C2CD3: variants seen among roughly 807,000 people sequenced by gnomAD.
C2CD3 encodes the protein C2 domain-containing protein 3.
A neutral mutation model predicts 234.0 loss-of-function variants in C2CD3; 148 were observed. That is an observed-to-expected ratio of 0.63 (90% CI 0.55 to 0.72). C2CD3 has a LOEUF of 0.72. C2CD3 is among the 30% of genes least tolerant of loss of function. The pLI, the probability that C2CD3 is intolerant of heterozygous loss-of-function variation, is 0.00. For missense variants in C2CD3, 2,577 were observed against 2,811.5 expected (o/e 0.92, Z 1.89); for synonymous variants, 1,000 against 1,035.4 (o/e 0.97, Z 0.66).
chr11:74,170,690 C>T (rs1857129912), intron 1 of C2CD3, 48 bp downstream of exon 1: 1 of 1,611,192 alleles, frequency 6.2e-7, no homozygotes. Context: ...ATTCCTTACA[C>T]CCTGCTCTCC....
chr11:74,053,739 G>T (rs1343769022), intron 26 of C2CD3, among the ~76,000 whole-genome samples: 1 of 152,234 alleles, frequency 6.6e-6, no homozygotes. Context: ...ATGGTTGACA[G>T]ATACAACAGG....
chr11:74,063,990 G>A (rs935607918), intron 24 of C2CD3, among the ~76,000 whole-genome samples: 2 of 151,994 alleles, frequency 1.3e-5, no homozygotes, highest in Non-Finnish European at 2.9e-5. Context: ...ATTTTGGTGT[G>A]CTGCACCCAT....
intron 2 of C2CD3, chr11:74,164,298 T>C (rs959726782): frequency 2.3e-4 from 215 of 928,344 alleles, no homozygotes; most frequent in Middle Eastern, 5.5e-4. Context: ...TTTCTCAGTT[T>C]CTACTCTAGT....
rs773172980 is a variant in C2CD3 at position 74,042,175 on chromosome 11, C to T, written c.5539G>A (p.Val1847Met). The T allele has an allele frequency of 2.5e-6, 4 of 1,607,944 alleles. No homozygotes were observed. In the African/African-American group the frequency reaches 5.5e-5, roughly 22 times the overall value. ...TCATGAAACCGGCGAATGTTCTGCA[C>T]ATGCTCTTCATGGCGTGATGCTTGG... ...RSQASRHEEH[V>M]QNIRRFHESL... Residue 1847 changes from valine (V) to methionine (M), a missense_variant, in exon 29 of 33, where the codon GTG (valine) becomes ATG (methionine). Physicochemically the swap from Val to Met is conservative, Grantham distance 21 (BLOSUM62 1). Transcript: ENST00000334126.
chr11:74,045,391 C>A (rs930689098), intron 28 of C2CD3, among the ~76,000 whole-genome samples: 4 of 152,124 alleles, frequency 2.6e-5, no homozygotes, highest in African/African-American at 9.7e-5. Flanking sequence ...CCTTGAATTT[C>A]CATACTAATT....
At chr11:74,028,223 G>T in intron 32 of C2CD3, 64 bp downstream of exon 32, 1 of 1,204,580 alleles carries the variant, frequency 8.3e-7, no homozygotes, top group Admixed American at 2.1e-5. Context: ...TCTGCATTCT[G>T]TGCACACTTC....
At chr11:74,051,620 T>C (rs1486126800) in intron 26 of C2CD3, among the ~76,000 whole-genome samples, 1 of 152,196 alleles carries the variant, frequency 6.6e-6, no homozygotes, top group Non-Finnish European at 1.5e-5. Context: ...TGAAACTTTG[T>C]ATTTGTTTTC....
rs982665532 is a variant in C2CD3, at chr11:74,138,868, A to G, written c.807T>C (p.Ser269=). 1.2e-6 allele frequency: 2 copies of G among 1,613,210 alleles called. No individual in the cohort carries two copies. The highest frequency in any genetic ancestry group is 2.7e-5 in the African/African-American group (2 of 74,910). The change falls in exon 5 of 33, where the codon TCT becomes TCC. Residue 269 remains serine, a synonymous_variant. Transcript: ENST00000334126. The stretch of plus-strand genomic sequence containing the variant: ...GTGGAGCTCTGCCTTTCAGAGTTAC[A>G]GACTCTAAACTCTGTCCTGAATTAA... The part of the protein sequence containing the change: ...HSLNSGQSLE[S]VTLKGRAPRK...
chr11:74,080,859 T>C (rs1032284690), intron 22 of C2CD3, among the ~76,000 whole-genome samples: 4 of 152,188 alleles, frequency 2.6e-5, no homozygotes, highest in Non-Finnish European at 5.9e-5. Context: ...TAGATCTTAC[T>C]ATTTCCATTA....
chr11:74,109,107 C>T lies in C2CD3; in HGVS notation c.1889G>A (p.Gly630Asp). Residue 630 changes from glycine to aspartate, a missense_variant, in exon 12 of 33, where the codon GGC becomes GAC. Gly to Asp is a moderately conservative substitution (Grantham distance 94). Coordinates refer to ENST00000334126, the MANE Select transcript of C2CD3 (RefSeq NM_001286577.2). ...ATTCCACCAGTGCTCTATCATTGGGCCACCAAACTGTACTGGAAACACAAA... is the reference window on the plus strand; with the variant it reads ...ATTCCACCAGTGCTCTATCATTGGGTCACCAAACTGTACTGGAAACACAAA... ...QRFVFPVQFG[G>D]PMIEHWWNSN... 6.2e-7 allele frequency: 1 copy of T among 1,600,724 alleles called. No homozygotes were observed. Among genetic ancestry groups the T allele is most frequent in the Non-Finnish European group, 8.5e-7 (1 of 1,174,886 alleles).
intron 21 of C2CD3, 110 bp from the exon 22 acceptor site, chr11:74,085,080 G>T: frequency 6.8e-6 from 4 of 585,180 alleles, no homozygotes; most frequent in South Asian, 2.1e-5. Flanking sequence ...TCTTAGTTTT[G>T]TAAAATGCAT....
intron 3 of C2CD3, among the ~76,000 whole-genome samples, chr11:74,148,648 T>C (rs911139832): frequency 5.9e-5 from 9 of 152,136 alleles, no homozygotes; most frequent in African/African-American, 2.2e-4. Flanking sequence ...GCTTCCTCTC[T>C]CAATCAGCTT....
intron 3 of C2CD3, among the ~76,000 whole-genome samples, chr11:74,152,847 A>C (rs1467134848): frequency 6.6e-6 from 1 of 152,234 alleles, no homozygotes. Flanking sequence ...AATCTCTCAG[A>C]AAATTTGGGA....
rs1223458360 is a variant in C2CD3 at position 74,033,618 on chromosome 11, G to A, written c.6542C>T (p.Ser2181Leu). 6.5e-7 allele frequency: 1 copy of A among 1,536,048 alleles called. No homozygotes were observed. Among genetic ancestry groups the A allele is most frequent in the Non-Finnish European group, 8.7e-7 (1 of 1,146,922 alleles). ...NPQPIPCPTLSGAQQSSTFVG... is the reference protein window; with the variant it reads ...NPQPIPCPTLLGAQQSSTFVG... ...AAACGTGCTGCTCTGTTGAGCTCCT[G>A]AGAGTGTTGGGCATGGGATGGGCTG... The change falls in exon 31 of 33, where the codon TCA becomes TTA. Residue 2181 changes from serine to leucine, a missense_variant. Coordinates refer to ENST00000334126, the MANE Select transcript of C2CD3 (RefSeq NM_001286577.2).
intron 22 of C2CD3, among the ~76,000 whole-genome samples, chr11:74,083,186 T>C (rs1304840028): frequency 7.9e-5 from 12 of 152,078 alleles, no homozygotes; most frequent in Non-Finnish European, 1.2e-4. Flanking sequence ...AAACAAGAAA[T>C]GGGGAAAGGA....
chr11:74,139,846 T>C lies in C2CD3; in HGVS notation c.484-18A>G, dbSNP rs749016018. ...AGTGAGACCTAAGAGAGACAGGTAGTATATGAGAAATTTTCTTTAGCATTG... is the reference window on the plus strand; with the variant it reads ...AGTGAGACCTAAGAGAGACAGGTAGCATATGAGAAATTTTCTTTAGCATTG... On this transcript the variant is annotated intron_variant, in intron 3 of 32. Coordinates refer to ENST00000334126, the MANE Select transcript of C2CD3 (RefSeq NM_001286577.2). 6.7e-7 allele frequency: 1 copy of C among 1,491,192 alleles called. No individual in the cohort carries two copies. Among genetic ancestry groups the C allele is most frequent in the Non-Finnish European group, 9.4e-7 (1 of 1,068,660 alleles). 92.4% of individuals were successfully genotyped at this position (1,491,192 alleles called of 1,614,324 possible). A position where few individuals can be genotyped will look rare whatever the true frequency, so the allele number is the denominator to read the frequency against.
chr11:74,068,088 T>C (rs886882079), intron 24 of C2CD3, among the ~76,000 whole-genome samples: 2 of 152,168 alleles, frequency 1.3e-5, no homozygotes, highest in South Asian at 2.1e-4. Context: ...GATTTAGTGG[T>C]TCCCTCCTAG....
In C2CD3 at chr11:74,139,842, G is replaced by A. The variant is rs1211038634; in HGVS notation, c.484-14C>T. 6.6e-7 allele frequency: 1 copy of A among 1,522,274 alleles called. No homozygotes were observed. Among genetic ancestry groups the A allele is most frequent in the Non-Finnish European group, 9.1e-7 (1 of 1,096,768 alleles). 94.3% of individuals were successfully genotyped at this position (1,522,274 alleles called of 1,614,324 possible). A position where few individuals can be genotyped will look rare whatever the true frequency, so the allele number is the denominator to read the frequency against. ...GGCAAGTGAGACCTAAGAGAGACAG[G>A]TAGTATATGAGAAATTTTCTTTAGC... On this transcript the variant is annotated splice_polypyrimidine_tract_variant and intron_variant, in intron 3 of 32. Transcript: ENST00000334126.
intron 28 of C2CD3, among the ~76,000 whole-genome samples, chr11:74,047,834 G>A (rs1438785575): frequency 6.6e-6 from 1 of 152,208 alleles, no homozygotes; most frequent in Non-Finnish European, 1.5e-5. Context: ...AGGCTGGCTT[G>A]GTGAAAAGGA....
Sources: gnomAD v4.1 joint callset for allele counts (sites outside exome capture counted in the v4.1 genomes callset) on GRCh38, gnomAD v4.1.1 for gene constraint, MANE v1.5 for transcripts, NCBI Gene and HGNC (gene_info 2026-07-23, HGNC 2026-07-21) for gene names.